ARHGAP15: variants seen among roughly 807,000 people sequenced by gnomAD.
The protein encoded by ARHGAP15 is rho GTPase-activating protein 15.
ARHGAP15 carries 51 observed loss-of-function variants against 63.7 expected under a neutral mutation model. That is an observed-to-expected ratio of 0.80 (90% CI 0.64 to 1.01). The LOEUF (loss-of-function observed/expected upper bound fraction) is 1.01, where lower values mean the gene tolerates loss of function less well. Ranked by LOEUF, ARHGAP15 falls within the 50% of genes least tolerant of loss-of-function variation. The pLI is 0.00. For synonymous variants in ARHGAP15, 191 were observed against 193.8 expected (o/e 0.99, Z 0.12); for missense variants, 560 against 564.6 (o/e 0.99, Z 0.08).
chr2:143,591,480 C>T (rs1338780084), intron 11 of ARHGAP15, among the ~76,000 whole-genome samples: 1 of 152,056 alleles, frequency 6.6e-6, no homozygotes, highest in Non-Finnish European at 1.5e-5. Context: ...TCTGCTTCCT[C>T]AACTATAAAA....
At chr2:143,389,136 T>TA (rs57960431) in intron 6 of ARHGAP15, among the ~76,000 whole-genome samples, 13 of 149,204 alleles carry the variant, frequency 8.7e-5, no homozygotes, top group South Asian at 6.3e-4. Flanking sequence ...TTATTATTAT[T>TA]TTTTATTATT....
At chr2:143,445,526 T>G (rs571575438) in intron 8 of ARHGAP15, among the ~76,000 whole-genome samples, 4 of 152,216 alleles carry the variant, frequency 2.6e-5, no homozygotes, top group African/African-American at 9.6e-5. Context: ...TCCAAGTTTC[T>G]GTATAGAAAG....
At chr2:143,542,053 T>C (rs1377757256) in intron 10 of ARHGAP15, among the ~76,000 whole-genome samples, 1 of 152,202 alleles carries the variant, frequency 6.6e-6, no homozygotes, top group Non-Finnish European at 1.5e-5. Flanking sequence ...CTGCTTTGCT[T>C]ACCTACTCAA....
chr2:143,678,961 ATAAC>A (rs1682961617), intron 12 of ARHGAP15, among the ~76,000 whole-genome samples: 1 of 152,208 alleles, frequency 6.6e-6, no homozygotes, highest in South Asian at 2.1e-4. Flanking sequence ...ATTAAACTAA[ATAAC>A]CATTAAATTT....
At chr2:143,256,040 A>G (rs556102982) in intron 6 of ARHGAP15, among the ~76,000 whole-genome samples, 3 of 152,256 alleles carry the variant, frequency 2.0e-5, no homozygotes, top group African/African-American at 7.2e-5. Context: ...AACTTTATGC[A>G]GAACTCACAG....
chr2:143,750,944 C>T (rs1322940246), intron 13 of ARHGAP15, among the ~76,000 whole-genome samples: 4 of 152,168 alleles, frequency 2.6e-5, no homozygotes, highest in Non-Finnish European at 4.4e-5. Flanking sequence ...GGAAATGATG[C>T]GTGAACACAA....
chr2:143,131,629 T>C (rs1688919865), intron 1 of ARHGAP15, among the ~76,000 whole-genome samples: 1 of 152,182 alleles, frequency 6.6e-6, no homozygotes, highest in Non-Finnish European at 1.5e-5. Flanking sequence ...ACTTTTAAAA[T>C]GTACTCATCC....
chr2:143,611,462 T>A (rs1698251565), intron 11 of ARHGAP15, among the ~76,000 whole-genome samples: 1 of 152,202 alleles, frequency 6.6e-6, no homozygotes, highest in Admixed American at 6.5e-5. Flanking sequence ...CCGTGAATAC[T>A]ACCTTGCTTT....
At chr2:143,471,242 G>GTA (rs1241681495) in intron 8 of ARHGAP15, among the ~76,000 whole-genome samples, 24 of 148,368 alleles carry the variant, frequency 1.6e-4, no homozygotes, top group African/African-American at 5.7e-4. Flanking sequence ...GTGTATATGT[G>GTA]TATATATACA....
intron 10 of ARHGAP15, among the ~76,000 whole-genome samples, chr2:143,533,511 C>A (rs1243483615): frequency 6.6e-6 from 1 of 152,160 alleles, no homozygotes; most frequent in African/African-American, 2.4e-5. Context: ...TGTTCAGACA[C>A]CCTTATTCAC....
chr2:143,373,309 C>G (rs1013339479), intron 6 of ARHGAP15, among the ~76,000 whole-genome samples: 1 of 152,056 alleles, frequency 6.6e-6, no homozygotes, highest in Non-Finnish European at 1.5e-5. Flanking sequence ...AATCCATGTG[C>G]TTAACCGTCA....
At chr2:143,437,229 T>G in intron 8 of ARHGAP15, 187 bp downstream of exon 8, 2 of 574,854 alleles carry the variant, frequency 3.5e-6, no homozygotes, top group Non-Finnish European at 6.0e-6. Flanking sequence ...TTGTTGGTAA[T>G]GCCTTTTGAG....
chr2:143,415,975 G>A (rs1365099586), intron 6 of ARHGAP15, among the ~76,000 whole-genome samples: 2 of 152,036 alleles, frequency 1.3e-5, no homozygotes, highest in Non-Finnish European at 2.9e-5. Context: ...GACTCAAGGG[G>A]AAAGGGTGGG....
At chr2:143,608,483 ATAAT>A (rs1159620516) in intron 11 of ARHGAP15, 1 of 152,226 alleles carries the variant, frequency 6.6e-6, no homozygotes, top group East Asian at 1.9e-4. Flanking sequence ...TTATTTGAAT[ATAAT>A]TAATTATGTA....
intron 11 of ARHGAP15, among the ~76,000 whole-genome samples, chr2:143,564,819 A>G (rs941932169): frequency 3.3e-5 from 5 of 152,228 alleles, no homozygotes; most frequent in Non-Finnish European, 7.3e-5. Context: ...GCATTTTACC[A>G]TAACAATCCT....
At chr2:143,393,217 T>C (rs897608425) in intron 6 of ARHGAP15, among the ~76,000 whole-genome samples, 12 of 152,262 alleles carry the variant, frequency 7.9e-5, no homozygotes, top group African/African-American at 2.9e-4. Context: ...GATTATAAGA[T>C]TTAGATTATT....
chr2:143,671,303 C>T (rs1682514078), intron 12 of ARHGAP15, among the ~76,000 whole-genome samples: 2 of 151,562 alleles, frequency 1.3e-5, no homozygotes, highest in South Asian at 4.2e-4. Context: ...ATGTATAGTA[C>T]TCTGAGTATT....
rs531752329 is a variant in ARHGAP15 at position 143,576,599 on chromosome 2, C to A, written c.1003+20114C>A. 1.4e-4 allele frequency among the ~76,000 whole-genome samples: 22 copies of A among 152,154 alleles called. No homozygotes were observed. In the South Asian group the frequency reaches 4.6e-3, roughly 32 times the overall value. ...TATCGACGTAATCATGAACACAAAT[C>A]TTTTAATCTGGTAGGACATCATATA... is the stretch of plus-strand genomic sequence containing the variant. On this transcript the variant is annotated intron_variant, in intron 11 of 13. Coordinates refer to ENST00000295095, the MANE Select transcript of ARHGAP15 (RefSeq NM_018460.4).
chr2:143,284,802 C>T (rs1682015587), intron 6 of ARHGAP15, among the ~76,000 whole-genome samples: 1 of 152,172 alleles, frequency 6.6e-6, no homozygotes, highest in African/African-American at 2.4e-5. Context: ...TAAAATAAGC[C>T]TCAGGTTATT....
Sources: gnomAD v4.1 joint callset for allele counts (sites outside exome capture counted in the v4.1 genomes callset) on GRCh38, gnomAD v4.1.1 for gene constraint, MANE v1.5 for transcripts, NCBI Gene and HGNC (gene_info 2026-07-23, HGNC 2026-07-21) for gene names.